The following KLHDC10 variants were observed in gnomAD, a reference collection of about 807,000 sequenced individuals.
KLHDC10 encodes the protein kelch domain containing 10.
Under a neutral mutation model 56.1 loss-of-function variants are expected in KLHDC10, and 24 were observed. The observed-to-expected ratio is 0.43, with a 90% confidence interval of 0.31 to 0.60. The LOEUF (loss-of-function observed/expected upper bound fraction) is 0.60. Ranked by LOEUF, KLHDC10 falls within the 20% of genes least tolerant of loss-of-function variation. The pLI is 0.11. For missense variants in KLHDC10, 349 were observed against 567.0 expected (o/e 0.62, Z 3.91); for synonymous variants, 188 against 207.1 (o/e 0.91, Z 0.79).
intron 1 of KLHDC10, among the ~76,000 whole-genome samples, chr7:130,090,767 CGTGTGTGT>C (rs57061414): frequency 1.4e-4 from 21 of 148,254 alleles, no homozygotes; most frequent in Middle Eastern, 3.4e-3. Context: ...TACACATACT[CGTGTGTGT>C]GTGTGTGTGT....
At chr7:130,129,372 C>T (rs1796365030) in intron 8 of KLHDC10, 65 bp from the exon 9 acceptor site, 1 of 1,594,124 alleles carries the variant, frequency 6.3e-7, no homozygotes, top group South Asian at 1.1e-5. Context: ...GTGACCTACT[C>T]TAAAACACTC....
At chr7:130,129,274 G>C (rs1462253562) in intron 8 of KLHDC10, among the ~76,000 whole-genome samples, 163 bp from the exon 9 acceptor site, 3 of 152,176 alleles carry the variant, frequency 2.0e-5, no homozygotes, top group Admixed American at 2.0e-4. Context: ...TCTGTTGAGG[G>C]ACAAGACAAC....
chr7:130,072,653 C>A lies in KLHDC10; in HGVS notation c.166+1844C>A, dbSNP rs1391117596. Among the ~76,000 whole-genome samples, 6 of 152,052 alleles carry A rather than the reference C, an allele frequency of 3.9e-5. 1 individual carries two copies. Among genetic ancestry groups the A allele is most frequent in the Admixed American group, 3.3e-4 (5 of 15,238 alleles). The stretch of plus-strand genomic sequence containing the variant: ...CATTTTAAGCCTCTCCCTTTTCTTG[C>A]ATTTTGATAGATTTTAAAAGATTTT... On this transcript the variant is annotated intron_variant, in intron 1 of 9. Transcript: ENST00000335420.
chr7:130,074,307 T>C (rs1326922603), intron 1 of KLHDC10, among the ~76,000 whole-genome samples: 1 of 152,206 alleles, frequency 6.6e-6, no homozygotes, highest in Non-Finnish European at 1.5e-5. Flanking sequence ...ATGGAAGCCT[T>C]CCGTGACTTT....
chr7:130,086,097 A>G (rs898275753), intron 1 of KLHDC10, among the ~76,000 whole-genome samples: 1 of 152,038 alleles, frequency 6.6e-6, no homozygotes, highest in African/African-American at 2.4e-5. Context: ...ATTTTCCCCA[A>G]ATTATTTTTA....
At chr7:130,100,327 A>G (rs561048707) in intron 2 of KLHDC10, among the ~76,000 whole-genome samples, 10 of 152,224 alleles carry the variant, frequency 6.6e-5, no homozygotes, top group African/African-American at 1.9e-4. Flanking sequence ...CCCTCCGTGT[A>G]CCTACCTATA....
Position 130,131,669 on chromosome 7 carries a change from C to T in KLHDC10, c.*923C>T, listed in dbSNP as rs915786100. On this transcript the variant is annotated 3_prime_UTR_variant, in exon 10 of 10. Transcript: ENST00000335420. ...GCCATGTAACATGAACACAAGCTCC[C>T]GAGGGAGGCCAGAGAAGAGCCAGGC... 1.3e-5 allele frequency: 2 copies of T among 152,166 alleles called. No individual in the cohort carries two copies. The highest frequency in any genetic ancestry group is 2.9e-5 in the Non-Finnish European group (2 of 68,036). 9.4% of individuals were successfully genotyped at this position (152,166 alleles called of 1,614,324 possible).
At chr7:130,071,896 A>G (rs1049648058) in intron 1 of KLHDC10, among the ~76,000 whole-genome samples, 3 of 152,214 alleles carry the variant, frequency 2.0e-5, no homozygotes, top group African/African-American at 7.2e-5. Flanking sequence ...ATTGAAGATG[A>G]CAAAGGGAAT....
chr7:130,070,757 G>GGGGGC lies in KLHDC10; in HGVS notation c.114_115insGGGGC (p.Thr39GlyfsTer40). 2.0e-6 allele frequency: 2 copies of GGGGGC among 1,018,158 alleles called. No homozygotes were observed. The highest frequency in any genetic ancestry group is 2.6e-6 in the Non-Finnish European group (2 of 764,028). 63.1% of individuals were successfully genotyped at this position (1,018,158 alleles called of 1,614,324 possible). On this transcript the variant is annotated frameshift_variant, in exon 1 of 10. Coordinates refer to ENST00000335420, the MANE Select transcript of KLHDC10 (RefSeq NM_014997.4). LOFTEE classifies it high-confidence loss of function. ...GCAGTGGGGGCAGCGGGGGTCGGGG[G>GGGGGC]ACTGGCCAGCTCAACCGCTTCGTGC...
At chr7:130,111,392 G>C (rs375502455) in intron 2 of KLHDC10, among the ~76,000 whole-genome samples, 5 of 152,054 alleles carry the variant, frequency 3.3e-5, no homozygotes, top group African/African-American at 9.7e-5. Context: ...GAGCAGGCTG[G>C]AAGAAATACA....
chr7:130,131,078 G>C lies in KLHDC10; in HGVS notation c.*332G>C. On this transcript the variant is annotated 3_prime_UTR_variant, in exon 10 of 10. Coordinates refer to ENST00000335420, the MANE Select transcript of KLHDC10 (RefSeq NM_014997.4). ...ACAGATTCCTTTTTAAAGGAATTCTGAATAGTTCCATGTCATACAATATTC... is the reference window on the plus strand; with the variant it reads ...ACAGATTCCTTTTTAAAGGAATTCTCAATAGTTCCATGTCATACAATATTC... The C allele has an allele frequency of 1.5e-5, 3 of 200,626 alleles. No individual in the cohort carries two copies. The highest frequency in any genetic ancestry group is 1.1e-4 in the East Asian group (1 of 9,198). 12.4% of individuals were successfully genotyped at this position (200,626 alleles called of 1,614,324 possible). A position where few individuals can be genotyped will look rare whatever the true frequency, so the allele number is the denominator to read the frequency against.
intron 1 of KLHDC10, among the ~76,000 whole-genome samples, chr7:130,094,254 T>G (rs1343144544): frequency 1.3e-5 from 2 of 152,150 alleles, no homozygotes; most frequent in Non-Finnish European, 2.9e-5. Flanking sequence ...TGTTATTCCC[T>G]CAGTGTTACT....
Position 130,116,721 on chromosome 7 carries a change from T to C in KLHDC10, c.475+55T>C. On this transcript the variant is annotated intron_variant, in intron 3 of 9. Transcript: ENST00000335420. This position sits in a 1 kb window ranked among gnomAD's most constrained non-coding sequence, Gnocchi z 4.8. ...TTTATGAAATGTCTGAGAAGCCAGG[T>C]TCAATGTCCCATATTCCTCATTAAT... is the stretch of plus-strand genomic sequence containing the variant. 1 of 1,354,216 alleles carries C rather than the reference T, an allele frequency of 7.4e-7. No individual in the cohort carries two copies. Among genetic ancestry groups the C allele is most frequent in the Non-Finnish European group, 1.1e-6 (1 of 944,812 alleles). 83.9% of individuals were successfully genotyped at this position (1,354,216 alleles called of 1,614,324 possible).
intron 4 of KLHDC10, among the ~76,000 whole-genome samples, chr7:130,121,645 A>G (rs1796249285): frequency 6.6e-6 from 1 of 152,234 alleles, no homozygotes; most frequent in African/African-American, 2.4e-5. Context: ...GGTTCCTTGA[A>G]CTGCTAACTA....
At chr7:130,127,595 T>C (rs1213490644) in intron 8 of KLHDC10, 144 bp downstream of exon 8, 2 of 633,026 alleles carry the variant, frequency 3.2e-6, no homozygotes, top group Non-Finnish European at 5.5e-6. Context: ...AAATTCATAG[T>C]TATGCCTCTG....
chr7:130,097,822 A>G (rs1455033386), intron 2 of KLHDC10, among the ~76,000 whole-genome samples: 5 of 152,160 alleles, frequency 3.3e-5, no homozygotes, highest in Non-Finnish European at 5.9e-5. Flanking sequence ...TACTTTTAGA[A>G]ATGTTGCATT....
intron 1 of KLHDC10, among the ~76,000 whole-genome samples, chr7:130,080,666 G>A (rs1459613857): frequency 6.6e-6 from 1 of 152,002 alleles, no homozygotes; most frequent in Admixed American, 6.6e-5. Flanking sequence ...CAAAGTGCTG[G>A]GATTATAGGT....
At chr7:130,104,661 G>C (rs1484288275) in intron 2 of KLHDC10, among the ~76,000 whole-genome samples, 2 of 152,188 alleles carry the variant, frequency 1.3e-5, no homozygotes, top group East Asian at 1.9e-4. Flanking sequence ...GGTAGCATCT[G>C]CTTCTGGAGA....
At chr7:130,123,023 G>GTAT (rs75729467) in intron 5 of KLHDC10, among the ~76,000 whole-genome samples, 94 of 151,796 alleles carry the variant, frequency 6.2e-4, no homozygotes, top group Admixed American at 1.6e-3. Context: ...ATGTATGGAT[G>GTAT]GATGGATGGA....
Sources: gnomAD v4.1 joint callset for allele counts (sites outside exome capture counted in the v4.1 genomes callset) on GRCh38, gnomAD v4.1.1 for gene constraint, Gnocchi (gnomAD v3.1) non-coding constraint, MANE v1.5 for transcripts, NCBI Gene and HGNC (gene_info 2026-07-23, HGNC 2026-07-21) for gene names.